C11orf68: variants seen among roughly 807,000 people sequenced by gnomAD.
C11orf68 encodes chromosome 11 open reading frame 68.
A neutral mutation model predicts 4.7 loss-of-function variants in C11orf68; 3 were observed. The observed-to-expected ratio is 0.64, with a 90% CI of 0.29 to 1.66. The LOEUF (loss-of-function observed/expected upper bound fraction) is 1.66. C11orf68 is among the 40% of genes most tolerant of loss of function. The pLI, the probability that C11orf68 is intolerant of heterozygous loss-of-function variation, is 0.10. For synonymous variants in C11orf68, 186 were observed against 167.8 expected (o/e 1.11, Z -0.84); for missense variants, 422 against 408.0 (o/e 1.03, Z -0.30).
chr11:65,917,890 G>T lies in C11orf68; in HGVS notation c.451C>A (p.Pro151Thr). The change falls in exon 2 of 2, where the codon CCC (proline) becomes ACC (threonine). Residue 151 changes from proline to threonine, a missense_variant. By Grantham distance (38) the Pro-to-Thr change is conservative. Transcript: ENST00000438576. Reference sequence around the variant, plus strand: ...TGGCGCAGGGTACCCGGTGTGATGGGCCGCCCACTGGTCTGCAGAGCTTCC... The same window carrying T: ...TGGCGCAGGGTACCCGGTGTGATGGTCCGCCCACTGGTCTGCAGAGCTTCC... ...AWEALQTSGR[P>T]ITPGTLRQLA... 6.2e-7 allele frequency: 1 copy of T among 1,609,936 alleles called. No individual in the cohort carries two copies.
chr11:65,918,107 G>A lies in C11orf68; in HGVS notation c.234C>T (p.Pro78=), dbSNP rs1275757548. 3.7e-6 allele frequency: 6 copies of A among 1,609,264 alleles called. No individual in the cohort carries two copies. The Admixed American group carries it at 6.7e-5, about 18-fold the overall frequency. The stretch of plus-strand genomic sequence containing the variant: ...TTGTGCGGGCATCAAACACTAGCCA[G>A]GGGTCCATGTCAGCTGCCATGGCCT... ...AAEAMAADMD[P]WLVFDARTTP... Residue 78 remains proline (P), a synonymous_variant, in exon 2 of 2, where the codon CCC becomes CCT. Transcript: ENST00000438576.
Position 65,917,662 on chromosome 11 carries a change from C to T in C11orf68, c.679G>A (p.Val227Ile), listed in dbSNP as rs1336980068. 6.2e-7 allele frequency: 1 copy of T among 1,614,066 alleles called. No individual in the cohort carries two copies. The highest frequency in any genetic ancestry group is 2.2e-5 in the East Asian group (1 of 44,884). ...CGGATGGCTGAATCCGCCTCCAGTA[C>T]ACCCAAGCGGTCCGTGAAGTCGTCC... is the stretch of plus-strand genomic sequence containing the variant. Reference protein sequence around the residue: ...YTDDFTDRLGVLEADSAIRAA... With the variant: ...YTDDFTDRLGILEADSAIRAA... The change falls in exon 2 of 2, where the codon GTA (valine) becomes ATA (isoleucine). Residue 227 changes from valine (V) to isoleucine (I), a missense_variant. Physicochemically the swap from Val to Ile is conservative, Grantham distance 29 (BLOSUM62 3). Transcript: ENST00000438576.
chr11:65,918,848 C>T, intron 1 of C11orf68, 62 bp downstream of exon 1: 1 of 1,119,918 alleles, frequency 8.9e-7, no homozygotes, highest in East Asian at 6.2e-5. Context: ...CATTAACGCC[C>T]ACGGGCCCGA....
chr11:65,918,784 G>T (rs558469477), intron 1 of C11orf68, 126 bp downstream of exon 1: 3 of 950,748 alleles, frequency 3.2e-6, no homozygotes, highest in African/African-American at 1.8e-5. Flanking sequence ...ACTCGAACCA[G>T]GGCTTGTTAG....
In C11orf68 at chr11:65,917,919, G is replaced by A; in HGVS notation, c.422C>T (p.Ala141Val). 1 of 1,608,584 alleles carries A rather than the reference G, an allele frequency of 6.2e-7. No individual in the cohort carries two copies. ...NSGDVQGLQAAWEALQTSGRP... is the reference protein window; with the variant it reads ...NSGDVQGLQAVWEALQTSGRP... ...CCCACTGGTCTGCAGAGCTTCCCAG[G>A]CTGCCTGCAGGCCCTGCACGTCCCC... Residue 141 changes from alanine (A) to valine (V), a missense_variant, in exon 2 of 2, where the codon GCC becomes GTC. Coordinates refer to ENST00000438576, the MANE Select transcript of C11orf68 (RefSeq NM_001135635.2).
At chr11:65,918,629 A>G (rs563098299) in intron 1 of C11orf68, among the ~76,000 whole-genome samples, 43 of 151,950 alleles carry the variant, frequency 2.8e-4, no homozygotes, top group Non-Finnish European at 4.4e-4. Flanking sequence ...GAGGAACGCA[A>G]AGAAGCGCAC....
At position 65,917,763 on chromosome 11, in the gene C11orf68, A is replaced by G; in HGVS notation, c.578T>C (p.Val193Ala). The G allele has an allele frequency of 6.2e-7, 1 of 1,613,046 alleles. No homozygotes were observed. Among genetic ancestry groups the G allele is most frequent in the Middle Eastern group, 1.7e-4 (1 of 6,060 alleles). Residue 193 changes from valine (V) to alanine (A), a missense_variant, in exon 2 of 2, where the codon GTT (valine) becomes GCT (alanine). Val to Ala is a moderately conservative substitution (Grantham distance 64, BLOSUM62 0). Coordinates refer to ENST00000438576, the MANE Select transcript of C11orf68 (RefSeq NM_001135635.2). Reference protein sequence around the residue: ...HAWAGIARAVVEGQLQVAKVS... With the variant: ...HAWAGIARAVAEGQLQVAKVS... ...CTTGGCCACCTGAAGCTGGCCTTCA[A>G]CCACGGCCCGGGCAATGCCAGCCCA...
At position 65,917,963 on chromosome 11, in the gene C11orf68, C is replaced by T. The variant is rs1565296673; in HGVS notation, c.378G>A (p.Gln126=). 6.2e-7 allele frequency: 1 copy of T among 1,607,288 alleles called. No homozygotes were observed. Among genetic ancestry groups the T allele is most frequent in the Non-Finnish European group, 8.5e-7 (1 of 1,179,464 alleles). The part of the protein sequence containing the change: ...EPVGWIAVYG[Q]GYSPNSGDVQ... The stretch of plus-strand genomic sequence containing the variant: ...CGTCCCCGGAGTTGGGGCTGTAGCC[C>T]TGCCCATACACTGCAATCCAGCCCA... The change falls in exon 2 of 2, where the codon CAG becomes CAA. Residue 126 remains glutamine, a synonymous_variant. Transcript: ENST00000438576.
At position 65,917,065 on chromosome 11, in the gene C11orf68, C is replaced by T. The variant is rs990154915; in HGVS notation, c.*394G>A. The T allele has an allele frequency of 5.1e-6, 1 of 196,872 alleles. No homozygotes were observed. The highest frequency in any genetic ancestry group is 1.0e-4 in the South Asian group (1 of 9,972). The allele number at this position is 196,872 out of a possible 1,614,324, so 12.2% of individuals were successfully genotyped here. Reference sequence around the variant, plus strand: ...TGGACCATGAAGGCTCCAAGAAGGGCTGGAAGCACTAAGTTTTCTCTCTCC... The same window carrying T: ...TGGACCATGAAGGCTCCAAGAAGGGTTGGAAGCACTAAGTTTTCTCTCTCC... On this transcript the variant is annotated 3_prime_UTR_variant, in exon 2 of 2. Coordinates refer to ENST00000438576, the MANE Select transcript of C11orf68 (RefSeq NM_001135635.2).
chr11:65,917,322 G>A lies in C11orf68; in HGVS notation c.*137C>T, dbSNP rs1854470681. 9.3e-7 allele frequency: 1 copy of A among 1,076,380 alleles called. No homozygotes were observed. The highest frequency in any genetic ancestry group is 1.4e-6 in the Non-Finnish European group (1 of 740,610). 66.7% of individuals were successfully genotyped at this position (1,076,380 alleles called of 1,614,324 possible). On this transcript the variant is annotated 3_prime_UTR_variant, in exon 2 of 2. Coordinates refer to ENST00000438576, the MANE Select transcript of C11orf68 (RefSeq NM_001135635.2). ...CAGAGGGCAGAAGTTCAAGGGGACT[G>A]AAGATGCAGGTAGTTCCCAAGTGAC...
At chr11:65,918,827 G>T in intron 1 of C11orf68, 83 bp downstream of exon 1, 1 of 1,076,202 alleles carries the variant, frequency 9.3e-7, no homozygotes, top group Non-Finnish European at 1.1e-6. Flanking sequence ...CGGCCGTGCC[G>T]CGCCCGCCGC....
At position 65,917,952 on chromosome 11, in the gene C11orf68, G is replaced by A; in HGVS notation, c.389C>T (p.Pro130Leu). The A allele has an allele frequency of 6.2e-7, 1 of 1,607,550 alleles. No homozygotes were observed. The highest frequency in any genetic ancestry group is 8.5e-7 in the Non-Finnish European group (1 of 1,179,792). Residue 130 changes from proline to leucine, a missense_variant, in exon 2 of 2, where the codon CCC (proline) becomes CTC (leucine). Coordinates refer to ENST00000438576, the MANE Select transcript of C11orf68 (RefSeq NM_001135635.2). ...WIAVYGQGYS[P>L]NSGDVQGLQA... is the part of the protein sequence containing the mutation. ...CAGGCCCTGCACGTCCCCGGAGTTG[G>A]GGCTGTAGCCCTGCCCATACACTGC... is the stretch of plus-strand genomic sequence containing the variant.
chr11:65,918,378 G>A (rs1215494496), intron 1 of C11orf68, 160 bp from the exon 2 acceptor site: 2 of 840,966 alleles, frequency 2.4e-6, no homozygotes, highest in Middle Eastern at 3.0e-4. Context: ...GATCTGCTAT[G>A]AAAATTAGAT....
chr11:65,919,041 G>A lies in C11orf68; in HGVS notation c.-10C>T, dbSNP rs1480948979. On this transcript the variant is annotated 5_prime_UTR_variant, in exon 1 of 2. Transcript: ENST00000438576. ...CCGCCGCCGCCGCCATCTTAGCGCCGCGCCACCTCAACAACAACTTTATAG... is the reference window on the plus strand; with the variant it reads ...CCGCCGCCGCCGCCATCTTAGCGCCACGCCACCTCAACAACAACTTTATAG... 8.8e-7 allele frequency: 1 copy of A among 1,135,356 alleles called. No individual in the cohort carries two copies. The highest frequency in any genetic ancestry group is 1.1e-6 in the Non-Finnish European group (1 of 931,598). 70.3% of individuals were successfully genotyped at this position (1,135,356 alleles called of 1,614,324 possible).
chr11:65,918,448 C>T (rs1244143773), intron 1 of C11orf68: 2 of 476,156 alleles, frequency 4.2e-6, no homozygotes, highest in Non-Finnish European at 7.0e-6. Context: ...CCTTGACTTA[C>T]AGAAAAGGAA....
chr11:65,919,016 C>T lies in C11orf68; in HGVS notation c.16G>A (p.Ala6Thr). ...CGCCCCACCCCCGCCACGGCCGCCG[C>T]CGCCGCCGCCGCCATCTTAGCGCCG... The part of the protein sequence containing the change: MAAAA[A>T]AAVAGVGRGG... The change falls in exon 1 of 2, where the codon GCG becomes ACG. Residue 6 changes from alanine to threonine, a missense_variant. By Grantham distance (58) the Ala-to-Thr change is moderately conservative (BLOSUM62 0). Transcript: ENST00000438576. 5.3e-6 allele frequency: 6 copies of T among 1,141,388 alleles called. No individual in the cohort carries two copies. Among genetic ancestry groups the T allele is most frequent in the Non-Finnish European group, 6.4e-6 (6 of 935,732 alleles). 70.7% of individuals were successfully genotyped at this position (1,141,388 alleles called of 1,614,324 possible). A position where few individuals can be genotyped will look rare whatever the true frequency, so the allele number is the denominator to read the frequency against.
Position 65,918,049 on chromosome 11 carries a change from T to G in C11orf68, c.292A>C (p.Lys98Gln), listed in dbSNP as rs962365468. Residue 98 changes from lysine (K) to glutamine (Q), a missense_variant, in exon 2 of 2, where the codon AAG (lysine) becomes CAG (glutamine). By Grantham distance (53) the Lys-to-Gln change is moderately conservative (BLOSUM62 1). Transcript: ENST00000438576. The part of the protein sequence containing the change: ...PATELDAWLA[K>Q]YPPSQVTRYG... ...CGGGTAACTTGGGATGGTGGGTACT[T>G]GGCCAGCCAGGCATCCAGCTCAGTG... The G allele has an allele frequency of 6.2e-7, 1 of 1,609,182 alleles. No individual in the cohort carries two copies. The highest frequency in any genetic ancestry group is 8.5e-7 in the Non-Finnish European group (1 of 1,177,750).
chr11:65,919,008 G>GGCCACGGCCGCC lies in C11orf68; in HGVS notation c.23_24insGGCGGCCGTGGC (p.Ala8_Val9insAlaAlaValAla), dbSNP rs1854505641. 1 of 1,146,450 alleles carries GGCCACGGCCGCC rather than the reference G, an allele frequency of 8.7e-7. No individual in the cohort carries two copies. Among genetic ancestry groups the GGCCACGGCCGCC allele is most frequent in the African/African-American group, 1.6e-5 (1 of 60,840 alleles). The allele number at this position is 1,146,450 out of a possible 1,614,324, so 71.0% of individuals were successfully genotyped here. A position where few individuals can be genotyped will look rare whatever the true frequency, so the allele number is the denominator to read the frequency against. ...CGCCACCGCGCCCCACCCCCGCCAC[G>GGCCACGGCCGCC]GCCGCCGCCGCCGCCGCCGCCATCT... On this transcript the variant is annotated inframe_insertion, in exon 1 of 2. Transcript: ENST00000438576.
At chr11:65,918,332 T>A in intron 1 of C11orf68, 114 bp from the exon 2 acceptor site, 1 of 1,236,912 alleles carries the variant, frequency 8.1e-7, no homozygotes, top group Non-Finnish European at 1.1e-6. Flanking sequence ...AGTTGCCTCA[T>A]CTTTACAATG....
Sources: allele counts gnomAD v4.1 joint callset (sites outside exome capture counted in the v4.1 genomes callset), GRCh38; gene constraint gnomAD v4.1.1; transcripts MANE v1.5; gene names NCBI Gene and HGNC (gene_info 2026-07-23, HGNC 2026-07-21).